Variants in GNPTAB observed in about 807,000 individuals in gnomAD.
GNPTAB encodes the protein N-acetylglucosamine-1-phosphate transferase subunits alpha and beta.
In GNPTAB, 92 loss-of-function variants were observed where a neutral mutation model predicts 136.6. The ratio of observed to expected loss-of-function variants is 0.67; its 90% CI spans 0.57 to 0.80. The LOEUF (loss-of-function observed/expected upper bound fraction) is 0.80. Ranked by LOEUF, GNPTAB falls within the 30% of genes least tolerant of loss-of-function variation. GNPTAB has a pLI of 0.00. For synonymous variants in GNPTAB, 512 were observed against 535.1 expected (o/e 0.96, Z 0.60); for missense variants, 1,343 against 1,501.8 (o/e 0.89, Z 1.75).
intron 1 of GNPTAB, among the ~76,000 whole-genome samples, chr12:101,822,710 T>C (rs1870874059): frequency 6.6e-6 from 1 of 152,184 alleles, no homozygotes; most frequent in South Asian, 2.1e-4. Flanking sequence ...GCTTTAGGAC[T>C]GAAGACTCTA....
At chr12:101,793,136 G>C (rs987611372) in intron 2 of GNPTAB, among the ~76,000 whole-genome samples, 10 of 152,006 alleles carry the variant, frequency 6.6e-5, no homozygotes, top group Non-Finnish European at 1.0e-4. Context: ...CTCCTACATG[G>C]GTGGGGTTTA....
intron 8 of GNPTAB, 114 bp downstream of exon 8, chr12:101,770,882 T>A: frequency 9.1e-7 from 1 of 1,098,430 alleles, no homozygotes; most frequent in South Asian, 1.3e-5. Context: ...TTAGAAAAAT[T>A]CCAATCAACT....
At chr12:101,828,796 T>C (rs537292216) in intron 1 of GNPTAB, among the ~76,000 whole-genome samples, 1 of 152,350 alleles carries the variant, frequency 6.6e-6, no homozygotes, top group East Asian at 1.9e-4. Context: ...ATCCATTTCA[T>C]CACCTATAAA....
Position 101,778,152 on chromosome 12 carries a change from C to G in GNPTAB, c.771+2000G>C, listed in dbSNP as rs889133796. On this transcript the variant is annotated intron_variant, in intron 7 of 20. Coordinates refer to ENST00000299314, the MANE Select transcript of GNPTAB (RefSeq NM_024312.5). ...GTTTGCTGAATTGTCAACCATGACT[C>G]GGGACTGGCATTCTCTGGCAGCACA... 5 of 152,168 alleles carry G rather than the reference C, an allele frequency of 3.3e-5. No homozygotes were observed. In the East Asian group the frequency reaches 9.6e-4, roughly 29 times the overall value. 9.4% of individuals were successfully genotyped at this position (152,168 alleles called of 1,614,324 possible).
At chr12:101,770,236 T>C (rs1202361160) in intron 9 of GNPTAB, 45 bp from the exon 10 acceptor site, 5 of 1,601,292 alleles carry the variant, frequency 3.1e-6, no homozygotes, top group Non-Finnish European at 3.4e-6. Flanking sequence ...TGAGAGCTGT[T>C]TGGGTTTGGT....
chr12:101,778,082 C>A (rs979339129), intron 7 of GNPTAB, among the ~76,000 whole-genome samples: 1 of 152,166 alleles, frequency 6.6e-6, no homozygotes, highest in Non-Finnish European at 1.5e-5. Context: ...ATTGCTACCC[C>A]ACTCCACCTC....
intron 1 of GNPTAB, among the ~76,000 whole-genome samples, chr12:101,802,400 T>C (rs1869694970): frequency 2.0e-5 from 3 of 152,088 alleles, no homozygotes; most frequent in Admixed American, 1.3e-4. Flanking sequence ...TAATTGGACA[T>C]AGTAACTTAG....
chr12:101,776,136 T>G (rs1028513873), intron 7 of GNPTAB, among the ~76,000 whole-genome samples: 7 of 152,208 alleles, frequency 4.6e-5, no homozygotes, highest in Non-Finnish European at 8.8e-5. Context: ...ACAACTACTA[T>G]AATTGAAGGA....
chr12:101,774,517 T>C (rs1384935479), intron 7 of GNPTAB, among the ~76,000 whole-genome samples: 1 of 152,214 alleles, frequency 6.6e-6, no homozygotes, highest in Non-Finnish European at 1.5e-5. Flanking sequence ...TTTTGTACAG[T>C]GTATCACATA....
chr12:101,797,280 T>C (rs1302876179), intron 1 of GNPTAB, among the ~76,000 whole-genome samples: 1 of 152,006 alleles, frequency 6.6e-6, no homozygotes, highest in Admixed American at 6.6e-5. Context: ...ACAGAATCCG[T>C]CTAAAGTTTA....
At chr12:101,828,774 T>C (rs1008769241) in intron 1 of GNPTAB, among the ~76,000 whole-genome samples, 1 of 152,196 alleles carries the variant, frequency 6.6e-6, no homozygotes, top group African/African-American at 2.4e-5. Flanking sequence ...AGCTGGATTC[T>C]AATGCAAATG....
chr12:101,780,184 A>G lies in GNPTAB; in HGVS notation c.739T>C (p.Leu247=). ...FKETNQLKTK[L]PENLSSKVKL... is the part of the protein sequence containing the mutation. ...ACTTTAGAGGAAAGATTTTCTGGCA[A>G]TTTTGTTTTTAGTTGATTTGTTTCC... Residue 247 remains leucine, a synonymous_variant, in exon 7 of 21, where the codon TTG becomes CTG. Coordinates refer to ENST00000299314, the MANE Select transcript of GNPTAB (RefSeq NM_024312.5). The G allele has an allele frequency of 1.2e-6, 2 of 1,613,890 alleles. No homozygotes were observed. The highest frequency in any genetic ancestry group is 1.7e-6 in the Non-Finnish European group (2 of 1,179,768).
chr12:101,770,936 A>T, intron 8 of GNPTAB, 60 bp downstream of exon 8: 2 of 1,484,098 alleles, frequency 1.3e-6, no homozygotes, highest in Non-Finnish European at 1.9e-6. Context: ...ATAGTAACTT[A>T]CACATTTTTA....
intron 7 of GNPTAB, among the ~76,000 whole-genome samples, chr12:101,774,796 A>G (rs1018902003): frequency 2.6e-5 from 4 of 152,204 alleles, no homozygotes; most frequent in Admixed American, 6.5e-5. Context: ...GGCTTTAAAA[A>G]CAATAGTAGC....
At chr12:101,800,604 C>CAAAAAAAA (rs58129963) in intron 1 of GNPTAB, among the ~76,000 whole-genome samples, 1,354 of 74,048 alleles carry the variant, frequency 0.018, no homozygotes, top group African/African-American at 0.021. Context: ...ACTAAAAATA[C>CAAAAAAAA]AAAAAAAAAA....
chr12:101,765,327 G>T, intron 12 of GNPTAB, 23 bp from the exon 13 acceptor site: 1 of 1,521,662 alleles, frequency 6.6e-7, no homozygotes. Context: ...ACAGAAACAT[G>T]ATTTTTTTTT....
intron 1 of GNPTAB, among the ~76,000 whole-genome samples, chr12:101,807,189 G>A (rs1008120521): frequency 6.6e-6 from 1 of 152,060 alleles, no homozygotes; most frequent in Non-Finnish European, 1.5e-5. Flanking sequence ...ATTGTATGAC[G>A]ATACCAATAG....
At chr12:101,757,539 A>T (rs372518393) in intron 17 of GNPTAB, 33 bp downstream of exon 17, 6 of 1,036,364 alleles carry the variant, frequency 5.8e-6, no homozygotes, top group Non-Finnish European at 9.2e-6. Flanking sequence ...TTACTCTTAT[A>T]CTAAACAAAG....
At chr12:101,774,096 T>C (rs1370402062) in intron 7 of GNPTAB, among the ~76,000 whole-genome samples, 1 of 152,144 alleles carries the variant, frequency 6.6e-6, no homozygotes, top group Non-Finnish European at 1.5e-5. Flanking sequence ...CTGATACACC[T>C]GGTACTTGTA....
Sources: allele counts gnomAD v4.1 joint callset (sites outside exome capture counted in the v4.1 genomes callset), GRCh38; gene constraint gnomAD v4.1.1; transcripts MANE v1.5; gene names NCBI Gene and HGNC (gene_info 2026-07-23, HGNC 2026-07-21).